TMEM132C: variants seen among roughly 807,000 people sequenced by gnomAD.
TMEM132C encodes the protein transmembrane protein 132C, also known as protein phosphatase 1, regulatory subunit 152.
Under a neutral mutation model 61.4 loss-of-function variants are expected in TMEM132C, and 29 were observed. That is an observed-to-expected ratio of 0.47 (90% CI 0.35 to 0.64). The LOEUF is 0.64. Among genes scored for constraint, TMEM132C ranks in the 30% least tolerant of loss-of-function variants. TMEM132C has a pLI of 0.00. For missense variants in TMEM132C, 1,408 were observed against 1,476.9 expected (o/e 0.95, Z 0.76); for synonymous variants, 656 against 633.1 (o/e 1.04, Z -0.54).
chr12:128,303,204 A>G (rs1871652697), intron 1 of TMEM132C, among the ~76,000 whole-genome samples: 1 of 152,242 alleles, frequency 6.6e-6, no homozygotes, highest in South Asian at 2.1e-4. Flanking sequence ...GTGTTGAAGC[A>G]AATGGAAATT....
In TMEM132C at chr12:128,693,927, C is replaced by G. The variant is rs559356284; in HGVS notation, c.1548C>G (p.Pro516=). The change falls in exon 6 of 9, where the codon CCC becomes CCG. Residue 516 remains proline, a synonymous_variant. Coordinates refer to ENST00000435159, the MANE Select transcript of TMEM132C (RefSeq NM_001136103.3). ...TCACATACCAGTACCTGAGCGCCCC[C>G]CTGTGTGTCACCGTGTGGGTGCCCC... is the stretch of plus-strand genomic sequence containing the variant. The part of the protein sequence containing the change: ...VNFTYQYLSA[P]LCVTVWVPRL... 325 of 1,551,786 alleles carry G rather than the reference C, an allele frequency of 2.1e-4. No homozygotes were observed. In the Middle Eastern group the frequency reaches 4.5e-3, roughly 22 times the overall value.
chr12:128,291,046 G>A (rs975976232), intron 1 of TMEM132C, among the ~76,000 whole-genome samples: 5 of 152,122 alleles, frequency 3.3e-5, no homozygotes, highest in Non-Finnish European at 7.3e-5. Context: ...GTAGGTGAGT[G>A]CACCATCCTC....
chr12:128,497,273 G>A (rs1442880628), intron 2 of TMEM132C, among the ~76,000 whole-genome samples: 1 of 152,232 alleles, frequency 6.6e-6, no homozygotes, highest in Admixed American at 6.5e-5. Context: ...AGGCTACTCG[G>A]GGTCAGGGAC....
intron 3 of TMEM132C, among the ~76,000 whole-genome samples, chr12:128,573,254 A>G (rs1468664032): frequency 1.3e-5 from 2 of 152,210 alleles, no homozygotes; most frequent in African/African-American, 2.4e-5. Context: ...CATATACACC[A>G]TGGAATACTA....
rs184347713 is a variant in TMEM132C, at chr12:128,612,329, G to T, written c.1122-3823G>T. On this transcript the variant is annotated intron_variant, in intron 3 of 8. Transcript: ENST00000435159. ...CCCAGTGCACCAGAGAGCTTGCCCTGATGTCACCCTGACCTAGAATTCTGT... is the reference window on the plus strand; with the variant it reads ...CCCAGTGCACCAGAGAGCTTGCCCTTATGTCACCCTGACCTAGAATTCTGT... Among the ~76,000 whole-genome samples, 5 of 152,340 alleles carry T rather than the reference G, an allele frequency of 3.3e-5. No homozygotes were observed. In the East Asian group the frequency reaches 9.6e-4, roughly 29 times the overall value.
rs532717609 is a variant in TMEM132C, at chr12:128,557,259, C to T, written c.1121+13156C>T. Among the ~76,000 whole-genome samples the T allele has an allele frequency of 9.2e-5, 14 of 152,276 alleles. No individual in the cohort carries two copies. The East Asian group carries it at 2.5e-3, about 27-fold the overall frequency. On this transcript the variant is annotated intron_variant, in intron 3 of 8. Coordinates refer to ENST00000435159, the MANE Select transcript of TMEM132C (RefSeq NM_001136103.3). ...AGCCTCATTTAAGGTATTTCATGGC[C>T]AGAATGAGGAGTTTCTGCTTTCTTC...
At chr12:128,282,612 A>G (rs1870933718) in intron 1 of TMEM132C, among the ~76,000 whole-genome samples, 1 of 152,210 alleles carries the variant, frequency 6.6e-6, no homozygotes, top group Admixed American at 6.5e-5. Flanking sequence ...GCAGTTCCAG[A>G]TGAGATTTGG....
intron 2 of TMEM132C, among the ~76,000 whole-genome samples, chr12:128,535,665 G>T (rs10847635): frequency 9.7e-4 from 148 of 152,014 alleles, no homozygotes; most frequent in South Asian, 2.1e-3. Flanking sequence ...TCAGGAGATC[G>T]AGACCATCTT....
At chr12:128,528,942 G>C (rs534887963) in intron 2 of TMEM132C, among the ~76,000 whole-genome samples, 1 of 152,096 alleles carries the variant, frequency 6.6e-6, no homozygotes, top group Non-Finnish European at 1.5e-5. Flanking sequence ...GGGACTCAGC[G>C]GGGATTTTAG....
Position 128,364,264 on chromosome 12 carries a change from C to G in TMEM132C, c.86-50468C>G, listed in dbSNP as rs542255963. Among the ~76,000 whole-genome samples the G allele has an allele frequency of 1.6e-4, 24 of 151,578 alleles. No individual in the cohort carries two copies. The East Asian group carries it at 4.5e-3, about 28-fold the overall frequency. ...CTCCTCCTCCTTCTCCTCTCTTCCT[C>G]TCACCCCTCCCTCTCTCCCCCTATC... On this transcript the variant is annotated intron_variant, in intron 1 of 8. Coordinates refer to ENST00000435159, the MANE Select transcript of TMEM132C (RefSeq NM_001136103.3).
chr12:128,536,769 C>G (rs78769949), intron 2 of TMEM132C, among the ~76,000 whole-genome samples: 6 of 147,430 alleles, frequency 4.1e-5, no homozygotes, highest in African/African-American at 1.5e-4. Context: ...GTGTGTGTGT[C>G]TGTGTGTGTA....
At chr12:128,421,640 T>C (rs769583235) in intron 2 of TMEM132C, among the ~76,000 whole-genome samples, 1 of 152,242 alleles carries the variant, frequency 6.6e-6, no homozygotes, top group Non-Finnish European at 1.5e-5. Flanking sequence ...TGGATTTTGT[T>C]TGCAACTTCA....
At chr12:128,673,837 T>C (rs1954558395) in intron 5 of TMEM132C, among the ~76,000 whole-genome samples, 2 of 152,224 alleles carry the variant, frequency 1.3e-5, no homozygotes, top group South Asian at 4.1e-4. Flanking sequence ...GTTTTATAAA[T>C]GCAACAGAGA....
intron 2 of TMEM132C, among the ~76,000 whole-genome samples, chr12:128,503,762 C>T (rs1322214145): frequency 6.6e-6 from 1 of 152,216 alleles, no homozygotes; most frequent in Non-Finnish European, 1.5e-5. Context: ...CAAGATCACA[C>T]AGCTGGCAAG....
At chr12:128,313,977 T>G (rs1303514570) in intron 1 of TMEM132C, among the ~76,000 whole-genome samples, 2 of 152,174 alleles carry the variant, frequency 1.3e-5, no homozygotes, top group African/African-American at 2.4e-5. Context: ...ATTCCCTTCC[T>G]CCTGCAAGTT....
At chr12:128,482,885 G>T (rs921678491) in intron 2 of TMEM132C, among the ~76,000 whole-genome samples, 3 of 151,980 alleles carry the variant, frequency 2.0e-5, no homozygotes, top group African/African-American at 7.3e-5. Flanking sequence ...GCACATCCCT[G>T]GGTGAGTGGG....
intron 2 of TMEM132C, among the ~76,000 whole-genome samples, chr12:128,533,405 G>A (rs1418074152): frequency 6.6e-6 from 1 of 152,140 alleles, no homozygotes; most frequent in Non-Finnish European, 1.5e-5. Flanking sequence ...CCATTTTCTA[G>A]GGCTGCTGTA....
chr12:128,678,712 G>A (rs957746011), intron 5 of TMEM132C, among the ~76,000 whole-genome samples: 1 of 152,204 alleles, frequency 6.6e-6, no homozygotes, highest in African/African-American at 2.4e-5. Flanking sequence ...AGCAGAGGCT[G>A]CTGGCATCTA....
At chr12:128,338,282 C>T (rs1289736180) in intron 1 of TMEM132C, among the ~76,000 whole-genome samples, 1 of 152,066 alleles carries the variant, frequency 6.6e-6, no homozygotes, top group African/African-American at 2.4e-5. Flanking sequence ...CAGGTAGAGC[C>T]GAGACTCCTG....
Sources: gnomAD v4.1 joint callset for allele counts (sites outside exome capture counted in the v4.1 genomes callset) on GRCh38, gnomAD v4.1.1 for gene constraint, MANE v1.5 for transcripts, NCBI Gene and HGNC (gene_info 2026-07-23, HGNC 2026-07-21) for gene names.